The following OR2M4 variants were observed in gnomAD, a reference collection of about 807,000 sequenced individuals.
OR2M4 encodes olfactory receptor 2M4.
In OR2M4, 8 loss-of-function variants were observed where a neutral mutation model predicts 13.7. That is an observed-to-expected ratio of 0.58 (90% CI 0.34 to 1.05). OR2M4 has a LOEUF of 1.05. OR2M4 is among the 50% of genes least tolerant of loss of function. OR2M4 has a pLI of 0.02. For synonymous variants in OR2M4, 152 were observed against 141.3 expected (o/e 1.08, Z -0.53); for missense variants, 374 against 381.6 (o/e 0.98, Z 0.17).
At chr1:248,231,959 C>A (rs969118029) in intron 1 of OR2M4, among the ~76,000 whole-genome samples, 1 of 152,126 alleles carries the variant, frequency 6.6e-6, no homozygotes, top group Non-Finnish European at 1.5e-5. Flanking sequence ...TGGATCTACA[C>A]CTCAACATGA....
Position 248,239,094 on chromosome 1 carries a change from C to T in OR2M4, c.166C>T (p.His56Tyr). The stretch of plus-strand genomic sequence containing the variant: ...CCTCATCTACATAGAGAAACAGCTC[C>T]ACACCCCCATGTACTTCCTCCTCAG... ...VLLIYIEKQL[H>Y]TPMYFLLSQL... The change falls in exon 2 of 2, where the codon CAC becomes TAC. Residue 56 changes from histidine to tyrosine, a missense_variant. By Grantham distance (83) the His-to-Tyr change is moderately conservative (BLOSUM62 2). Coordinates refer to ENST00000641868, the MANE Select transcript of OR2M4 (RefSeq NM_017504.2). 6.2e-7 allele frequency: 1 copy of T among 1,614,034 alleles called. No individual in the cohort carries two copies. Among genetic ancestry groups the T allele is most frequent in the Non-Finnish European group, 8.5e-7 (1 of 1,179,986 alleles).
intron 1 of OR2M4, among the ~76,000 whole-genome samples, chr1:248,234,203 G>T (rs546318134): frequency 6.6e-6 from 1 of 152,002 alleles, no homozygotes; most frequent in African/African-American, 2.4e-5. Flanking sequence ...TTCTCCAGAT[G>T]CATTTCTTGT....
rs1268871465 is a variant in OR2M4, at chr1:248,237,522, G to A, written c.-19-1388G>A. Among the ~76,000 whole-genome samples, 9 of 151,622 alleles carry A rather than the reference G, an allele frequency of 5.9e-5. No homozygotes were observed. The South Asian group carries it at 6.3e-4, about 11-fold the overall frequency. On this transcript the variant is annotated intron_variant, in intron 1 of 1. Coordinates refer to ENST00000641868, the MANE Select transcript of OR2M4 (RefSeq NM_017504.2). ...ACAAAAATTAGCCAGGTGTAGTGGC[G>A]GGCGCCTGTAATCTCAGCTACTTGG...
At chr1:248,236,952 C>A (rs1446900391) in intron 1 of OR2M4, among the ~76,000 whole-genome samples, 1 of 152,112 alleles carries the variant, frequency 6.6e-6, no homozygotes, top group Non-Finnish European at 1.5e-5. Flanking sequence ...TGCCCAGGAC[C>A]AGATGGATTC....
chr1:248,236,621 C>T (rs1325576089), intron 1 of OR2M4, among the ~76,000 whole-genome samples: 1 of 151,538 alleles, frequency 6.6e-6, no homozygotes, highest in Non-Finnish European at 1.5e-5. Flanking sequence ...TTAATGAATC[C>T]AAGAGTTGAT....
intron 1 of OR2M4, among the ~76,000 whole-genome samples, chr1:248,237,180 C>G (rs139008626): frequency 6.6e-6 from 1 of 152,190 alleles, no homozygotes; most frequent in African/African-American, 2.4e-5. Context: ...ACTAGCAAAC[C>G]AAATCTAGCA....
intron 1 of OR2M4, among the ~76,000 whole-genome samples, chr1:248,238,398 C>T (rs568401514): frequency 5.3e-5 from 8 of 152,066 alleles, no homozygotes; most frequent in African/African-American, 1.7e-4. Flanking sequence ...ACAGGTGTCC[C>T]CAAGGAGTAA....
chr1:248,239,695 T>C lies in OR2M4; in HGVS notation c.767T>C (p.Met256Thr). 1.2e-6 allele frequency: 2 copies of C among 1,614,142 alleles called. No homozygotes were observed. Among genetic ancestry groups the C allele is most frequent in the Non-Finnish European group, 1.7e-6 (2 of 1,180,034 alleles). ...GTCGGACTCTACTACGGTGCTGCTA[T>C]GTTCATGTACATGAGACCAGCTTCT... ...SVVGLYYGAA[M>T]FMYMRPASKH... Residue 256 changes from methionine to threonine, a missense_variant, in exon 2 of 2, where the codon ATG becomes ACG. By Grantham distance (81) the Met-to-Thr change is moderately conservative. Coordinates refer to ENST00000641868, the MANE Select transcript of OR2M4 (RefSeq NM_017504.2).
At chr1:248,233,627 T>A (rs1209005977) in intron 1 of OR2M4, among the ~76,000 whole-genome samples, 1 of 152,142 alleles carries the variant, frequency 6.6e-6, no homozygotes, top group Non-Finnish European at 1.5e-5. Context: ...AAAATATTGA[T>A]GTTTCTATAC....
At chr1:248,235,304 C>A (rs1436991971) in intron 1 of OR2M4, among the ~76,000 whole-genome samples, 1 of 152,152 alleles carries the variant, frequency 6.6e-6, no homozygotes, top group Admixed American at 6.6e-5. Context: ...TGTCAAAGAT[C>A]AGATGGTTGT....
At chr1:248,237,978 G>A (rs991477621) in intron 1 of OR2M4, among the ~76,000 whole-genome samples, 100 of 152,190 alleles carry the variant, frequency 6.6e-4, no homozygotes, top group African/African-American at 2.2e-3. Context: ...GTAAAAAGAA[G>A]AAATCAATTT....
rs981176139 is a variant in OR2M4, at chr1:248,241,158, A to C, written c.*1294A>C. On this transcript the variant is annotated 3_prime_UTR_variant, in exon 2 of 2. Transcript: ENST00000641868. ...GAACTACAGAGACAGCAGCTGGGGC[A>C]ACTGAGGTTGTGCTGGCATCACCCT... is the stretch of plus-strand genomic sequence containing the variant. 1.3e-5 allele frequency: 2 copies of C among 152,160 alleles called. No homozygotes were observed. The highest frequency in any genetic ancestry group is 2.4e-5 in the African/African-American group (1 of 41,408). The allele number at this position is 152,160 out of a possible 1,614,324, so 9.4% of individuals were successfully genotyped here. A position where few individuals can be genotyped will look rare whatever the true frequency, so the allele number is the denominator to read the frequency against.
chr1:248,243,162 C>T lies in OR2M4; in HGVS notation c.*3298C>T, dbSNP rs1204914958. On this transcript the variant is annotated 3_prime_UTR_variant, in exon 2 of 2. Coordinates refer to ENST00000641868, the MANE Select transcript of OR2M4 (RefSeq NM_017504.2). ...TTATGAGCTGAAAATGTAAAATAAA[C>T]GCTTGATTTTAAAAAGTTTATACAT... 1.3e-5 allele frequency: 2 copies of T among 152,010 alleles called. No individual in the cohort carries two copies. The highest frequency in any genetic ancestry group is 6.5e-5 in the Admixed American group (1 of 15,276). The allele number at this position is 152,010 out of a possible 1,614,324, so 9.4% of individuals were successfully genotyped here.
Position 248,239,200 on chromosome 1 carries a change from CTA to C in OR2M4, c.274_275del (p.Ile92LeufsTer19). On this transcript the variant is annotated frameshift_variant, in exon 2 of 2. Transcript: ENST00000641868. LOFTEE classifies it high-confidence loss of function. ...TTCAGCTACTTGTCTGGGAAGAAAT[CTA>C]TCTCTCTGGCAGGTTGTGGAACTCA... 1 of 1,614,172 alleles carries C rather than the reference CTA, an allele frequency of 6.2e-7. No individual in the cohort carries two copies. Among genetic ancestry groups the C allele is most frequent in the Non-Finnish European group, 8.5e-7 (1 of 1,180,038 alleles).
At chr1:248,237,793 T>C (rs998576419) in intron 1 of OR2M4, among the ~76,000 whole-genome samples, 2 of 152,222 alleles carry the variant, frequency 1.3e-5, no homozygotes, top group Admixed American at 6.5e-5. Context: ...AAGCATTCCC[T>C]CTGAAAACCA....
intron 1 of OR2M4, among the ~76,000 whole-genome samples, chr1:248,234,803 A>C (rs988627988): frequency 1.3e-5 from 2 of 151,440 alleles, no homozygotes; most frequent in African/African-American, 4.9e-5. Context: ...TTGGGCACAT[A>C]TATGTCTTCT....
rs368854012 is a variant in OR2M4, at chr1:248,238,922, A to T, written c.-7A>T. The T allele has an allele frequency of 6.4e-7, 1 of 1,573,862 alleles. No individual in the cohort carries two copies. On this transcript the variant is annotated 5_prime_UTR_variant, in exon 2 of 2. Transcript: ENST00000641868. ...TTGGAATTCTCAGATAAGGCAAATTATCCAGGATGGTGTGGGAAAACCAGA... is the reference window on the plus strand; with the variant it reads ...TTGGAATTCTCAGATAAGGCAAATTTTCCAGGATGGTGTGGGAAAACCAGA...
chr1:248,234,954 T>G lies in OR2M4; in HGVS notation c.-20+3374T>G, dbSNP rs116257526. ...AAAATTTTTCTCCCATTCTATAGGT[T>G]GCCTGTTTGCTCTGATGATAGTTTA... On this transcript the variant is annotated intron_variant, in intron 1 of 1. Coordinates refer to ENST00000641868, the MANE Select transcript of OR2M4 (RefSeq NM_017504.2). Among the ~76,000 whole-genome samples the G allele has an allele frequency of 3.3e-3, 508 of 152,284 alleles. 4 individuals are homozygous for G. The highest frequency in any genetic ancestry group is 6.8e-3 in the Middle Eastern group (2 of 294).
intron 1 of OR2M4, among the ~76,000 whole-genome samples, chr1:248,234,028 C>T (rs74155239): frequency 0.098 from 14,953 of 152,182 alleles, 2,352 homozygotes; most frequent in African/African-American, 0.33. Flanking sequence ...GCTCGCAGAT[C>T]TAACCTGTTC....
Sources: gnomAD v4.1 joint callset for allele counts (sites outside exome capture counted in the v4.1 genomes callset) on GRCh38, gnomAD v4.1.1 for gene constraint, MANE v1.5 for transcripts, NCBI Gene and HGNC (gene_info 2026-07-23, HGNC 2026-07-21) for gene names.